The following VAV3 variants were observed in gnomAD, a reference collection of about 807,000 sequenced individuals.
VAV3 encodes the protein vav guanine nucleotide exchange factor 3.
Under a neutral mutation model 131.2 loss-of-function variants are expected in VAV3, and 94 were observed. That is an observed-to-expected ratio of 0.72 (90% CI 0.61 to 0.85). The LOEUF (loss-of-function observed/expected upper bound fraction) is 0.85, where lower values mean the gene tolerates loss of function less well. Among genes scored for constraint, VAV3 ranks in the 40% least tolerant of loss-of-function variants. VAV3 has a pLI of 0.00. For synonymous variants in VAV3, 349 were observed against 342.0 expected, an observed-to-expected ratio of 1.02 and a Z score of -0.22; for missense variants, 939 against 1,002.7, an observed-to-expected ratio of 0.94 and a Z score of 0.86.
chr1:107,728,213 C>T (rs1183784779), intron 15 of VAV3, among the ~76,000 whole-genome samples: 1 of 152,046 alleles, frequency 6.6e-6, no homozygotes, highest in Non-Finnish European at 1.5e-5. Context: ...ATTTTCATGA[C>T]AAAGATATAG....
At chr1:107,902,936 A>G (rs1325580659) in intron 1 of VAV3, among the ~76,000 whole-genome samples, 3 of 152,220 alleles carry the variant, frequency 2.0e-5, no homozygotes, top group African/African-American at 7.2e-5. Flanking sequence ...ATGAATCCCA[A>G]TGGCTAACAT....
In VAV3 at chr1:107,710,477, A is replaced by G. The variant is rs566089662; in HGVS notation, c.1503-5416T>C. On this transcript the variant is annotated intron_variant, in intron 15 of 26. Coordinates refer to ENST00000370056, the MANE Select transcript of VAV3 (RefSeq NM_006113.5). ...TGTGTTGCTAAAATACAGAAAATAT[A>G]TATTTTGGCCAACAGATACCAAATA... 1.2e-3 allele frequency among the ~76,000 whole-genome samples: 187 copies of G among 152,282 alleles called. 1 individual carries two copies. Among genetic ancestry groups the G allele is most frequent in the African/African-American group, 4.2e-3 (174 of 41,586 alleles).
At chr1:107,764,707 T>C (rs1374290279) in intron 9 of VAV3, among the ~76,000 whole-genome samples, 1 of 152,134 alleles carries the variant, frequency 6.6e-6, no homozygotes, top group East Asian at 1.9e-4. Context: ...ACATTTTAAA[T>C]CTACATATAC....
intron 1 of VAV3, among the ~76,000 whole-genome samples, chr1:107,944,495 TTGTTA>T (rs539243153): frequency 8.3e-4 from 127 of 152,312 alleles, no homozygotes; most frequent in African/African-American, 2.9e-3. Flanking sequence ...CCTGAATTCT[TTGTTA>T]TATGTTCAGT....
chr1:107,733,059 G>C (rs112658990), intron 15 of VAV3, among the ~76,000 whole-genome samples: 2 of 152,194 alleles, frequency 1.3e-5, no homozygotes, highest in Admixed American at 6.5e-5. Flanking sequence ...AAAATTTGCT[G>C]TTCTGCAGCC....
chr1:107,964,641 G>T lies in VAV3; in HGVS notation c.204+25C>A, dbSNP rs371985202. 2.1e-4 allele frequency: 330 copies of T among 1,604,090 alleles called. 1 individual carries two copies. The highest frequency in any genetic ancestry group is 2.7e-4 in the Non-Finnish European group (317 of 1,174,438). On this transcript the variant is annotated intron_variant, in intron 1 of 26. Coordinates refer to ENST00000370056, the MANE Select transcript of VAV3 (RefSeq NM_006113.5). The stretch of plus-strand genomic sequence containing the variant: ...TTAATGGGAGCTGCCGGCTGGAGGC[G>T]GGGCGCCCGTGCCGGCCTCCTCACC...
intron 2 of VAV3, among the ~76,000 whole-genome samples, chr1:107,808,774 T>C (rs1667181190): frequency 6.6e-6 from 1 of 152,192 alleles, no homozygotes; most frequent in South Asian, 2.1e-4. Context: ...ACAATGCATT[T>C]AGTCAATACC....
intron 20 of VAV3, among the ~76,000 whole-genome samples, chr1:107,618,478 A>C (rs186308163): frequency 1.3e-4 from 20 of 152,352 alleles, no homozygotes; most frequent in Non-Finnish European, 2.9e-4. Context: ...TAACAGAAGA[A>C]GACCGTAAGA....
Position 107,596,337 on chromosome 1 carries a change from A to C in VAV3, c.2225T>G (p.Leu742Arg). The stretch of plus-strand genomic sequence containing the variant: ...AGAATGATGCTTGTAGTACTCCACA[A>C]GTTCCTTTGGAAAAAAGAATCCAAC... Reference protein sequence around the residue: ...ENRKFKSLMELVEYYKHHSLK... With the variant: ...ENRKFKSLMERVEYYKHHSLK... The change falls in exon 25 of 27, where the codon CTT becomes CGT. Residue 742 changes from leucine (L) to arginine (R), a missense_variant. Physicochemically the swap from Leu to Arg is moderately radical, Grantham distance 102. Coordinates refer to ENST00000370056, the MANE Select transcript of VAV3 (RefSeq NM_006113.5). 6.2e-7 allele frequency: 1 copy of C among 1,610,992 alleles called. No homozygotes were observed. The highest frequency in any genetic ancestry group is 2.2e-5 in the East Asian group (1 of 44,840).
intron 1 of VAV3, among the ~76,000 whole-genome samples, chr1:107,915,901 G>A (rs1052037355): frequency 6.6e-6 from 1 of 151,998 alleles, no homozygotes; most frequent in Admixed American, 6.5e-5. Context: ...TGGTCTAGTA[G>A]GAAAATTAGA....
chr1:107,802,512 T>A (rs967948360), intron 2 of VAV3, among the ~76,000 whole-genome samples: 7 of 152,174 alleles, frequency 4.6e-5, no homozygotes, highest in Non-Finnish European at 8.8e-5. Context: ...GGAATTATGT[T>A]CCTTCTATTC....
At position 107,587,655 on chromosome 1, in the gene VAV3, A is replaced by G. The variant is rs528097772; in HGVS notation, c.2350+8557T>C. ...GCCCATGCTGGAGTGCAGTGGCACCATCTTGGCTCACTACAACCTCCACTT... is the reference window on the plus strand; with the variant it reads ...GCCCATGCTGGAGTGCAGTGGCACCGTCTTGGCTCACTACAACCTCCACTT... On this transcript the variant is annotated intron_variant, in intron 25 of 26. Transcript: ENST00000370056. Among the ~76,000 whole-genome samples the G allele has an allele frequency of 7.9e-5, 12 of 152,314 alleles. No individual in the cohort carries two copies. In the South Asian group the frequency reaches 2.3e-3, roughly 29 times the overall value.
chr1:107,726,077 T>C (rs145375974), intron 15 of VAV3, among the ~76,000 whole-genome samples: 1 of 152,232 alleles, frequency 6.6e-6, no homozygotes, highest in African/African-American at 2.4e-5. Flanking sequence ...GCTATCAATA[T>C]CCCTATCTCA....
intron 20 of VAV3, among the ~76,000 whole-genome samples, chr1:107,642,035 T>G (rs1655379326): frequency 6.6e-6 from 1 of 152,130 alleles, no homozygotes; most frequent in Admixed American, 6.6e-5. Context: ...CAGTAATAAA[T>G]CATGCATTAA....
At chr1:107,919,290 C>A (rs187629947) in intron 1 of VAV3, among the ~76,000 whole-genome samples, 13 of 152,254 alleles carry the variant, frequency 8.5e-5, no homozygotes, top group Admixed American at 8.5e-4. Context: ...TCAATTTAAG[C>A]ATGTGATTAC....
intron 4 of VAV3, among the ~76,000 whole-genome samples, chr1:107,776,844 G>A (rs1475850662): frequency 1.3e-5 from 2 of 152,042 alleles, no homozygotes; most frequent in South Asian, 2.1e-4. Context: ...AAAACATCCC[G>A]AATAGCTCCA....
At chr1:107,889,283 T>C (rs1671204131) in intron 1 of VAV3, among the ~76,000 whole-genome samples, 1 of 151,930 alleles carries the variant, frequency 6.6e-6, no homozygotes, top group South Asian at 2.1e-4. Context: ...AGATGTTTGA[T>C]AAAAATAGTA....
chr1:107,882,180 T>C (rs1305841417), intron 1 of VAV3, among the ~76,000 whole-genome samples: 1 of 152,200 alleles, frequency 6.6e-6, no homozygotes, highest in Non-Finnish European at 1.5e-5. Flanking sequence ...TGACATTTCA[T>C]GAGAAGGTCG....
At chr1:107,696,718 C>T (rs939290149) in intron 17 of VAV3, among the ~76,000 whole-genome samples, 4 of 152,100 alleles carry the variant, frequency 2.6e-5, no homozygotes, top group Non-Finnish European at 5.9e-5. Flanking sequence ...AGTAGTACTC[C>T]CTTGCTTTCA....
Sources: allele counts gnomAD v4.1 joint callset (sites outside exome capture counted in the v4.1 genomes callset), GRCh38; gene constraint gnomAD v4.1.1; transcripts MANE v1.5; gene names NCBI Gene and HGNC (gene_info 2026-07-23, HGNC 2026-07-21).